The following KIAA0232 variants were observed in gnomAD, a reference collection of about 807,000 sequenced individuals.
The protein encoded by KIAA0232 is uncharacterized protein KIAA0232.
A neutral mutation model predicts 122.0 loss-of-function variants in KIAA0232; 27 were observed. The ratio of observed to expected loss-of-function variants is 0.22; its 90% confidence interval spans 0.16 to 0.31. The LOEUF (loss-of-function observed/expected upper bound fraction) is 0.31. Ranked by LOEUF, KIAA0232 falls within the 10% of genes least tolerant of loss-of-function variation. The pLI is 1.00. For synonymous variants in KIAA0232, 613 were observed against 587.6 expected (o/e 1.04, Z -0.63); for missense variants, 1,551 against 1,634.2 (o/e 0.95, Z 0.88).
intron 1 of KIAA0232, among the ~76,000 whole-genome samples, chr4:6,784,030 A>G (rs1716493540): frequency 1.3e-5 from 2 of 152,004 alleles, no homozygotes; most frequent in South Asian, 4.1e-4. Flanking sequence ...ATCATGGCAG[A>G]ACTGTCTTGA....
intron 8 of KIAA0232, among the ~76,000 whole-genome samples, chr4:6,875,104 ATGAAGC>A (rs1201213011): frequency 6.6e-6 from 1 of 152,184 alleles, no homozygotes; most frequent in African/African-American, 2.4e-5. Flanking sequence ...CTTAGGAGAG[ATGAAGC>A]CAGGGTTCCT....
intron 2 of KIAA0232, among the ~76,000 whole-genome samples, chr4:6,823,359 C>A (rs562428630): frequency 2.6e-5 from 4 of 152,092 alleles, no homozygotes; most frequent in Admixed American, 6.5e-5. Flanking sequence ...GCCACACTGA[C>A]CTCCACAATG....
At chr4:6,847,165 G>A (rs1205478017) in intron 4 of KIAA0232, among the ~76,000 whole-genome samples, 1 of 152,184 alleles carries the variant, frequency 6.6e-6, no homozygotes, top group Non-Finnish European at 1.5e-5. Context: ...CATTATGTGT[G>A]TGGCTATTAT....
intron 6 of KIAA0232, among the ~76,000 whole-genome samples, chr4:6,859,777 C>T (rs1340588110): frequency 1.3e-5 from 2 of 152,176 alleles, no homozygotes; most frequent in Non-Finnish European, 2.9e-5. Flanking sequence ...AACAACAGTC[C>T]CCAGTAGCCA....
At chr4:6,836,735 G>C (rs1414243336) in intron 3 of KIAA0232, among the ~76,000 whole-genome samples, 2 of 151,708 alleles carry the variant, frequency 1.3e-5, no homozygotes, top group African/African-American at 4.8e-5. Flanking sequence ...GTGAGATTAG[G>C]GAGCGGTGAT....
chr4:6,810,728 A>C (rs1022395656), intron 2 of KIAA0232, among the ~76,000 whole-genome samples: 1 of 152,192 alleles, frequency 6.6e-6, no homozygotes, highest in African/African-American at 2.4e-5. Flanking sequence ...CAGACACTTC[A>C]ACAACAGCAA....
intron 1 of KIAA0232, among the ~76,000 whole-genome samples, chr4:6,789,516 C>T (rs1490246132): frequency 6.6e-6 from 1 of 152,110 alleles, no homozygotes; most frequent in Admixed American, 6.6e-5. Context: ...TCATGATCTT[C>T]CTGCCTCGGC....
chr4:6,824,407 A>C lies in KIAA0232; in HGVS notation c.-47A>C, dbSNP rs777768463. Reference sequence around the variant, plus strand: ...CCCTCCAGATACCAACAGAATATCAACTGCAGAAAATGCTTCACATTTTAA... The same window carrying C: ...CCCTCCAGATACCAACAGAATATCACCTGCAGAAAATGCTTCACATTTTAA... On this transcript the variant is annotated 5_prime_UTR_variant, in exon 3 of 10. Transcript: ENST00000307659. The C allele has an allele frequency of 9.7e-6, 14 of 1,445,038 alleles. No homozygotes were observed. In the African/African-American group the frequency reaches 1.4e-4, roughly 14 times the overall value. The allele number at this position is 1,445,038 out of a possible 1,614,324, so 89.5% of individuals were successfully genotyped here.
rs1718569241 is a variant in KIAA0232 at position 6,824,378 on chromosome 4, A to C, written c.-76A>C. The C allele has an allele frequency of 2.5e-6, 3 of 1,204,650 alleles. No homozygotes were observed. 74.6% of individuals were successfully genotyped at this position (1,204,650 alleles called of 1,614,324 possible). A position where few individuals can be genotyped will look rare whatever the true frequency, so the allele number is the denominator to read the frequency against. ...CATCTCTACTTTTTACTGGAGTGAAAATCCCCTCCAGATACCAACAGAATA... is the reference window on the plus strand; with the variant it reads ...CATCTCTACTTTTTACTGGAGTGAACATCCCCTCCAGATACCAACAGAATA... On this transcript the variant is annotated 5_prime_UTR_variant, in exon 3 of 10. Transcript: ENST00000307659.
chr4:6,816,275 A>G (rs933250777), intron 2 of KIAA0232, among the ~76,000 whole-genome samples: 2 of 148,032 alleles, frequency 1.4e-5, no homozygotes, highest in Admixed American at 6.8e-5. Flanking sequence ...GTTTCTTATA[A>G]TGTCTTTTTT....
At chr4:6,810,099 A>G (rs368936947) in intron 2 of KIAA0232, among the ~76,000 whole-genome samples, 50 of 152,314 alleles carry the variant, frequency 3.3e-4, no homozygotes, top group Admixed American at 1.7e-3. Flanking sequence ...TATGAAATCA[A>G]AAAAGAGCCC....
intron 8 of KIAA0232, among the ~76,000 whole-genome samples, chr4:6,875,168 G>T (rs1167031516): frequency 6.6e-6 from 1 of 152,212 alleles, no homozygotes; most frequent in Non-Finnish European, 1.5e-5. Flanking sequence ...CCGCCCTAGG[G>T]CAACCACGCC....
intron 9 of KIAA0232, among the ~76,000 whole-genome samples, chr4:6,878,428 C>T (rs75179064): frequency 7.2e-6 from 1 of 138,676 alleles, no homozygotes; most frequent in South Asian, 2.3e-4. Context: ...TATATACATA[C>T]ATAAATCTTG....
At chr4:6,830,865 A>G (rs1718939111) in intron 3 of KIAA0232, among the ~76,000 whole-genome samples, 1 of 152,030 alleles carries the variant, frequency 6.6e-6, no homozygotes, top group Non-Finnish European at 1.5e-5. Context: ...CTGCAGTGAC[A>G]AGACTTGGGT....
At chr4:6,844,009 G>T (rs1010040834) in intron 4 of KIAA0232, among the ~76,000 whole-genome samples, 1 of 130,552 alleles carries the variant, frequency 7.7e-6, no homozygotes, top group Non-Finnish European at 1.5e-5. Flanking sequence ...GCGCCATCTC[G>T]GCTCACTGCA....
chr4:6,792,857 T>A (rs988668929), intron 1 of KIAA0232, among the ~76,000 whole-genome samples: 2 of 151,886 alleles, frequency 1.3e-5, no homozygotes, highest in African/African-American at 4.8e-5. Flanking sequence ...GCCCGGCTAA[T>A]GTTTTTGTAT....
rs1457526962 is a variant in KIAA0232 at position 6,882,879 on chromosome 4, A to C, written c.*1913A>C. 1 of 152,662 alleles carries C rather than the reference A, an allele frequency of 6.6e-6. No homozygotes were observed. Among genetic ancestry groups the C allele is most frequent in the Non-Finnish European group, 1.5e-5 (1 of 68,028 alleles). 9.5% of individuals were successfully genotyped at this position (152,662 alleles called of 1,614,324 possible). On this transcript the variant is annotated 3_prime_UTR_variant, in exon 10 of 10. Transcript: ENST00000307659. ...ATCGTTGCTTGTGTAGCAAAGACCA[A>C]ATAAATAGATTTCAGACACAACCTT...
intron 1 of KIAA0232, among the ~76,000 whole-genome samples, chr4:6,784,439 G>C (rs536714767): frequency 9.5e-4 from 144 of 152,214 alleles, no homozygotes; most frequent in African/African-American, 3.3e-3. Flanking sequence ...TGAGGGCGGG[G>C]GGGGAGGAGG....
intron 2 of KIAA0232, among the ~76,000 whole-genome samples, chr4:6,822,615 T>C: frequency 6.6e-6 from 1 of 152,170 alleles, no homozygotes; most frequent in East Asian, 1.9e-4. Context: ...AGAACTCTAA[T>C]ATAAAGAATA....
Sources: allele counts gnomAD v4.1 joint callset (sites outside exome capture counted in the v4.1 genomes callset), GRCh38; gene constraint gnomAD v4.1.1; transcripts MANE v1.5; gene names NCBI Gene and HGNC (gene_info 2026-07-23, HGNC 2026-07-21).